The following DACH1 variants were observed in gnomAD, a reference collection of about 807,000 sequenced individuals.
DACH1 encodes dachshund family transcription factor 1, also known as dachshund homolog 1.
Under a neutral mutation model 54.2 loss-of-function variants are expected in DACH1, and 12 were observed. The observed-to-expected ratio is 0.22, with a 90% CI of 0.14 to 0.36. The LOEUF is 0.36. Ranked by LOEUF, DACH1 falls within the 10% of genes least tolerant of loss-of-function variation. DACH1 has a pLI of 1.00. For missense variants in DACH1, 805 were observed against 929.8 expected (o/e 0.87, Z 1.75); for synonymous variants, 386 against 366.2 (o/e 1.05, Z -0.62).
intron 6 of DACH1, among the ~76,000 whole-genome samples, chr13:71,551,641 GTT>G (rs1333852111): frequency 1.3e-5 from 2 of 151,984 alleles, no homozygotes; most frequent in Non-Finnish European, 2.9e-5. Flanking sequence ...CTTGATTTAA[GTT>G]AGGATTTTTA....
At chr13:71,541,863 T>C (rs1006734820) in intron 6 of DACH1, among the ~76,000 whole-genome samples, 1 of 151,946 alleles carries the variant, frequency 6.6e-6, no homozygotes, top group African/African-American at 2.4e-5. Context: ...TAACATCCTT[T>C]AGCTTGCTGT....
At chr13:71,719,009 C>CGA (rs1342805404) in intron 1 of DACH1, among the ~76,000 whole-genome samples, 1 of 152,122 alleles carries the variant, frequency 6.6e-6, no homozygotes, top group African/African-American at 2.4e-5. Flanking sequence ...TGGCAATCTT[C>CGA]ATGTCTCTAC....
Position 71,475,121 on chromosome 13 carries a change from A to T in DACH1, c.2083+20T>A. ...CTCATATAGCAAGATCTAGATTTATAGCCTTCTGCAAATTCCTACCTTGTA... is the reference window on the plus strand; with the variant it reads ...CTCATATAGCAAGATCTAGATTTATTGCCTTCTGCAAATTCCTACCTTGTA... On this transcript the variant is annotated intron_variant, in intron 10 of 10. Coordinates refer to ENST00000613252, the MANE Select transcript of DACH1 (RefSeq NM_080759.6). 3 of 1,610,576 alleles carry T rather than the reference A, an allele frequency of 1.9e-6. No individual in the cohort carries two copies. Among genetic ancestry groups the T allele is most frequent in the Non-Finnish European group, 2.5e-6 (3 of 1,176,770 alleles).
intron 1 of DACH1, among the ~76,000 whole-genome samples, chr13:71,818,245 T>C (rs2138174256): frequency 6.6e-6 from 1 of 152,256 alleles, no homozygotes; most frequent in Non-Finnish European, 1.5e-5. Flanking sequence ...ATATATGCTA[T>C]AATTAGGGAA....
chr13:71,855,577 A>G (rs918286744), intron 1 of DACH1, among the ~76,000 whole-genome samples: 1 of 152,060 alleles, frequency 6.6e-6, no homozygotes, highest in African/African-American at 2.4e-5. Flanking sequence ...CAAATTGTTA[A>G]CTTCAGCTGT....
At chr13:71,745,039 T>C (rs1202775222) in intron 1 of DACH1, among the ~76,000 whole-genome samples, 1 of 152,214 alleles carries the variant, frequency 6.6e-6, no homozygotes, top group Non-Finnish European at 1.5e-5. Flanking sequence ...GGCAATAATA[T>C]CATCTGCCTT....
chr13:71,809,435 T>G (rs1194716421), intron 1 of DACH1, among the ~76,000 whole-genome samples: 2 of 152,142 alleles, frequency 1.3e-5, no homozygotes, highest in Admixed American at 6.5e-5. Context: ...CCTCCCAAAG[T>G]ACTGAGATTA....
At chr13:71,804,591 A>G (rs1020096020) in intron 1 of DACH1, among the ~76,000 whole-genome samples, 1 of 152,120 alleles carries the variant, frequency 6.6e-6, no homozygotes, top group African/African-American at 2.4e-5. Context: ...CCCTCTAGCT[A>G]AATCTTATTA....
chr13:71,564,184 A>T (rs995286597), intron 4 of DACH1, among the ~76,000 whole-genome samples: 1 of 152,084 alleles, frequency 6.6e-6, no homozygotes, highest in Admixed American at 6.6e-5. Context: ...TACTGAAACA[A>T]AATAGATAAT....
At chr13:71,670,858 T>C (rs1431476197) in intron 2 of DACH1, among the ~76,000 whole-genome samples, 2 of 152,032 alleles carry the variant, frequency 1.3e-5, no homozygotes, top group South Asian at 2.1e-4. Flanking sequence ...AATAAAAAGA[T>C]TATTTTTACA....
intron 10 of DACH1, among the ~76,000 whole-genome samples, chr13:71,459,111 T>C (rs1297744284): frequency 6.6e-6 from 1 of 151,924 alleles, no homozygotes; most frequent in East Asian, 1.9e-4. Context: ...TTATGTCAGA[T>C]ACTTTTAGGA....
At chr13:71,781,887 G>T (rs1401547188) in intron 1 of DACH1, among the ~76,000 whole-genome samples, 3 of 152,138 alleles carry the variant, frequency 2.0e-5, no homozygotes, top group Admixed American at 1.3e-4. Flanking sequence ...CAAAAGGTTT[G>T]TGAACCTTTA....
At chr13:71,749,755 C>A (rs1884839182) in intron 1 of DACH1, among the ~76,000 whole-genome samples, 1 of 152,112 alleles carries the variant, frequency 6.6e-6, no homozygotes, top group Admixed American at 6.6e-5. Flanking sequence ...ATTCTGTGAA[C>A]CCGACTAAGG....
intron 1 of DACH1, among the ~76,000 whole-genome samples, chr13:71,699,247 A>G (rs542043768): frequency 1.4e-4 from 22 of 152,168 alleles, no homozygotes; most frequent in African/African-American, 5.3e-4. Context: ...CTATGTCAAA[A>G]ACTTCTTAAA....
intron 6 of DACH1, 83 bp downstream of exon 6, chr13:71,556,941 A>T: frequency 2.2e-6 from 3 of 1,345,850 alleles, no homozygotes; most frequent in Non-Finnish European, 2.0e-6. Flanking sequence ...CATGATGTAG[A>T]GATAGACTTC....
intron 1 of DACH1, among the ~76,000 whole-genome samples, chr13:71,835,716 C>A (rs755187316): frequency 6.6e-6 from 1 of 151,822 alleles, no homozygotes; most frequent in Non-Finnish European, 1.5e-5. Flanking sequence ...TGTCCTAGTT[C>A]GGCTAATTAA....
chr13:71,792,389 C>A (rs1035857406), intron 1 of DACH1, among the ~76,000 whole-genome samples: 1 of 151,410 alleles, frequency 6.6e-6, no homozygotes. Context: ...ATCCAGACAG[C>A]AGGAAAAAAA....
chr13:71,577,200 T>C (rs1885583323), intron 3 of DACH1, among the ~76,000 whole-genome samples: 1 of 152,050 alleles, frequency 6.6e-6, no homozygotes, highest in African/African-American at 2.4e-5. Flanking sequence ...TCCAGCCTGC[T>C]CCCTTCTCCT....
intron 1 of DACH1, among the ~76,000 whole-genome samples, chr13:71,792,807 G>T (rs557214422): frequency 2.0e-5 from 3 of 152,210 alleles, no homozygotes; most frequent in South Asian, 4.1e-4. Context: ...GCCACATTCA[G>T]TTGGGAGGAA....
Sources: gnomAD v4.1 joint callset for allele counts (sites outside exome capture counted in the v4.1 genomes callset) on GRCh38, gnomAD v4.1.1 for gene constraint, MANE v1.5 for transcripts, NCBI Gene and HGNC (gene_info 2026-07-23, HGNC 2026-07-21) for gene names.